The following SORCS1 variants were observed in gnomAD, a reference collection of about 807,000 sequenced individuals.
SORCS1 encodes sortilin related VPS10 domain containing receptor 1.
Under a neutral mutation model 146.1 loss-of-function variants are expected in SORCS1, and 60 were observed. The ratio of observed to expected loss-of-function variants is 0.41; its 90% CI spans 0.33 to 0.51. The LOEUF (loss-of-function observed/expected upper bound fraction) is 0.51. Ranked by LOEUF, SORCS1 falls within the 20% of genes least tolerant of loss-of-function variation. SORCS1 has a pLI of 0.21. For missense variants in SORCS1, 1,352 were observed against 1,487.6 expected (o/e 0.91, Z 1.50); for synonymous variants, 637 against 584.0 (o/e 1.09, Z -1.31).
At chr10:107,065,026 G>A (rs1460969310) in intron 1 of SORCS1, among the ~76,000 whole-genome samples, 1 of 152,128 alleles carries the variant, frequency 6.6e-6, no homozygotes, top group Non-Finnish European at 1.5e-5. Context: ...CTATGAGCTC[G>A]AGTGGATTTG....
Position 107,164,321 on chromosome 10 carries a change from G to A in SORCS1, c.206C>T (p.Pro69Leu). 1.3e-6 allele frequency: 2 copies of A among 1,558,946 alleles called. No individual in the cohort carries two copies. The highest frequency in any genetic ancestry group is 1.4e-5 in the African/African-American group (1 of 73,950). The change falls in exon 1 of 26, where the codon CCC (proline) becomes CTC (leucine). Residue 69 changes from proline to leucine, a missense_variant. Physicochemically the swap from Pro to Leu is moderately conservative, Grantham distance 98. Around this residue, in one of 3 missense-constraint regions of SORCS1, gnomAD observed 490 missense variants for 489.1 expected, o/e 1.00. Coordinates refer to ENST00000263054, the MANE Select transcript of SORCS1 (RefSeq NM_052918.5). This position sits in a 1 kb window ranked among gnomAD's most constrained non-coding sequence, Gnocchi z 6.8. ...QGRPGRAPATPLPLVVRPLFS... is the reference protein window; with the variant it reads ...QGRPGRAPATLLPLVVRPLFS... ...CAGGGGACGCACTACGAGGGGCAGG[G>A]GCGTGGCAGGAGCCCTGCCTGGCCG... is the stretch of plus-strand genomic sequence containing the variant.
At chr10:107,114,119 CAAAT>C (rs1211782101) in intron 1 of SORCS1, among the ~76,000 whole-genome samples, 1 of 151,982 alleles carries the variant, frequency 6.6e-6, no homozygotes, top group Non-Finnish European at 1.5e-5. Context: ...TTTGAATAGA[CAAAT>C]AACAAGTGAG....
chr10:107,051,000 T>C (rs952298132), intron 1 of SORCS1, among the ~76,000 whole-genome samples: 1 of 152,114 alleles, frequency 6.6e-6, no homozygotes, highest in African/African-American at 2.4e-5. Context: ...TTCTTCCTTC[T>C]TTCCTTCCTT....
upstream of SORCS1, among the ~76,000 whole-genome samples, chr10:107,166,310 T>C (rs1185736769): frequency 3.3e-5 from 5 of 152,238 alleles, no homozygotes; most frequent in Admixed American, 2.6e-4. Context: ...AATGAAATTC[T>C]TTCTAATGTC....
chr10:106,811,463 A>G (rs1040001314), intron 3 of SORCS1, among the ~76,000 whole-genome samples: 1 of 152,202 alleles, frequency 6.6e-6, no homozygotes, highest in Non-Finnish European at 1.5e-5. Context: ...AAAGTGGCAC[A>G]TGCTTGTTAA....
intron 2 of SORCS1, among the ~76,000 whole-genome samples, chr10:106,832,827 G>C (rs1038837019): frequency 6.6e-6 from 1 of 151,948 alleles, no homozygotes; most frequent in East Asian, 1.9e-4. Flanking sequence ...TGAAAAAAGA[G>C]ACTAAAAAAG....
rs4917481 is a variant in SORCS1 at position 106,620,455 on chromosome 10, G to A, written c.2769C>T (p.Tyr923=). 326,950 of 1,613,496 alleles carry A rather than the reference G, an allele frequency of 0.2. 39,869 individuals carry two copies. The highest frequency in any genetic ancestry group is 0.5 in the East Asian group (22,422 of 44,836). The stretch of plus-strand genomic sequence containing the variant: ...CCGTGTTGTTTCCGTACCACCACAC[G>A]TAAGTGAGGGTGCCCACTTGGCTGG... ...LWPSQVGTLT[Y]VWWYGNNTEP... The change falls in exon 20 of 26, where the codon TAC becomes TAT. Residue 923 remains tyrosine (Y), a synonymous_variant. Coordinates refer to ENST00000263054, the MANE Select transcript of SORCS1 (RefSeq NM_052918.5).
chr10:106,664,485 AC>A (rs1458910029), intron 17 of SORCS1, among the ~76,000 whole-genome samples: 7 of 152,094 alleles, frequency 4.6e-5, no homozygotes, highest in Non-Finnish European at 1.5e-5. Flanking sequence ...TAGTAAAAAT[AC>A]AAAACATTAG....
the SORCS1 span, among the ~76,000 whole-genome samples, chr10:107,171,304 A>G: frequency 6.6e-6 from 1 of 152,208 alleles, no homozygotes; most frequent in African/African-American, 2.4e-5. Flanking sequence ...TCACTCTGGA[A>G]GCAAATTGAA....
At chr10:106,657,394 G>A (rs1194457551) in intron 17 of SORCS1, among the ~76,000 whole-genome samples, 1 of 152,122 alleles carries the variant, frequency 6.6e-6, no homozygotes, top group East Asian at 1.9e-4. Flanking sequence ...CTATAAGTGG[G>A]AGCTAAGCTA....
At chr10:106,981,386 A>C (rs1014400259) in intron 1 of SORCS1, among the ~76,000 whole-genome samples, 2 of 152,106 alleles carry the variant, frequency 1.3e-5, no homozygotes, top group African/African-American at 2.4e-5. Flanking sequence ...CTCTTTTTTG[A>C]GGTTAAAAAC....
chr10:106,634,358 C>T (rs1280935693), intron 18 of SORCS1, among the ~76,000 whole-genome samples: 2 of 152,166 alleles, frequency 1.3e-5, no homozygotes, highest in Non-Finnish European at 2.9e-5. Flanking sequence ...TGTCAAAATG[C>T]TTTCTTACAT....
At chr10:107,169,631 A>T (rs1394126911), upstream of SORCS1, among the ~76,000 whole-genome samples, 1 of 152,162 alleles carries the variant, frequency 6.6e-6, no homozygotes, top group East Asian at 1.9e-4. Context: ...ACCTCTAAAC[A>T]GTTTTTGTTT....
intron 3 of SORCS1, among the ~76,000 whole-genome samples, chr10:106,780,576 C>A (rs1589861373): frequency 1.3e-5 from 2 of 152,308 alleles, no homozygotes; most frequent in African/African-American, 4.8e-5. Context: ...TGAATGAGTC[C>A]TTTTCATTCC....
chr10:106,586,613 T>C (rs1467873393), intron 24 of SORCS1, among the ~76,000 whole-genome samples: 2 of 152,158 alleles, frequency 1.3e-5, no homozygotes, highest in Non-Finnish European at 2.9e-5. Context: ...TCAGCCCCTT[T>C]TACGGTCCCC....
chr10:106,985,094 G>A (rs1471733320), intron 1 of SORCS1, among the ~76,000 whole-genome samples: 3 of 152,126 alleles, frequency 2.0e-5, no homozygotes, highest in Non-Finnish European at 4.4e-5. Flanking sequence ...GGCTGAGGAA[G>A]GAGAATCGCT....
chr10:106,694,279 TC>T (rs939805379), intron 9 of SORCS1, among the ~76,000 whole-genome samples: 3 of 152,178 alleles, frequency 2.0e-5, no homozygotes, highest in Non-Finnish European at 2.9e-5. Flanking sequence ...TTATTATTTT[TC>T]CTTTTTTGAG....
intron 1 of SORCS1, among the ~76,000 whole-genome samples, chr10:106,964,863 C>T (rs1180929047): frequency 6.6e-6 from 1 of 151,196 alleles, no homozygotes; most frequent in Non-Finnish European, 1.5e-5. Context: ...ATCCTCATGC[C>T]TCAGCCCCAC....
intron 18 of SORCS1, among the ~76,000 whole-genome samples, chr10:106,635,191 G>T (rs1848659593): frequency 6.6e-6 from 1 of 152,138 alleles, no homozygotes; most frequent in South Asian, 2.1e-4. Context: ...AAATGCTATG[G>T]AAACTCCTCA....
Sources: allele counts gnomAD v4.1 joint callset (sites outside exome capture counted in the v4.1 genomes callset), GRCh38; gene constraint gnomAD v4.1.1; regional missense constraint gnomAD v4.1.1; non-coding constraint Gnocchi (gnomAD v3.1); transcripts MANE v1.5; gene names NCBI Gene and HGNC (gene_info 2026-07-23, HGNC 2026-07-21).